Variants in ARID5B observed in about 807,000 individuals in gnomAD.
The protein encoded by ARID5B is AT-rich interaction domain 5B.
ARID5B carries 13 observed loss-of-function variants against 97.2 expected under a neutral mutation model. That is an observed-to-expected ratio of 0.13 (90% confidence interval 0.09 to 0.21). The LOEUF is 0.21. Among genes scored for constraint, ARID5B ranks in the 10% least tolerant of loss-of-function variants. The pLI, the probability that ARID5B is intolerant of heterozygous loss-of-function variation, is 1.00. For missense variants in ARID5B, 1,210 were observed against 1,465.3 expected (o/e 0.83, Z 2.84); for synonymous variants, 556 against 570.3 (o/e 0.97, Z 0.36).
intron 2 of ARID5B, among the ~76,000 whole-genome samples, chr10:61,916,578 G>C (rs1415557041): frequency 1.3e-5 from 2 of 152,162 alleles, no homozygotes; most frequent in African/African-American, 4.8e-5. Context: ...TTTGCGGGAG[G>C]GTAATTTGAA....
chr10:61,931,605 T>C (rs1445918005), intron 2 of ARID5B, among the ~76,000 whole-genome samples: 1 of 152,166 alleles, frequency 6.6e-6, no homozygotes, highest in Non-Finnish European at 1.5e-5. Flanking sequence ...AAACCACATA[T>C]CTGACAAAAA....
intron 7 of ARID5B, among the ~76,000 whole-genome samples, chr10:62,063,238 G>T (rs1355403054): frequency 1.3e-5 from 2 of 152,128 alleles, no homozygotes; most frequent in African/African-American, 2.4e-5. Context: ...AGAACAAAAT[G>T]TGTGAATTCA....
chr10:62,056,012 A>G (rs1462699520), intron 5 of ARID5B, among the ~76,000 whole-genome samples: 3 of 152,310 alleles, frequency 2.0e-5, no homozygotes, highest in Admixed American at 1.3e-4. Flanking sequence ...TGTAAAGAAT[A>G]TTGGAATGTA....
At chr10:62,003,922 G>T (rs1839114669) in intron 4 of ARID5B, among the ~76,000 whole-genome samples, 1 of 152,100 alleles carries the variant, frequency 6.6e-6, no homozygotes, top group Admixed American at 6.6e-5. Flanking sequence ...TTTTAAATCT[G>T]CAATGAGTCC....
intron 4 of ARID5B, among the ~76,000 whole-genome samples, chr10:62,048,998 T>C (rs934157177): frequency 2.6e-5 from 4 of 152,254 alleles, no homozygotes; most frequent in Non-Finnish European, 4.4e-5. Context: ...TCGCGGTCAT[T>C]AAAGTCTTAG....
chr10:61,976,197 G>C (rs1838695857), intron 3 of ARID5B, among the ~76,000 whole-genome samples: 1 of 152,234 alleles, frequency 6.6e-6, no homozygotes, highest in African/African-American at 2.4e-5. Context: ...ACACATGGCT[G>C]TTGACCACTT....
intron 5 of ARID5B, among the ~76,000 whole-genome samples, chr10:62,056,410 C>A (rs560618516): frequency 6.6e-6 from 1 of 152,204 alleles, no homozygotes; most frequent in East Asian, 1.9e-4. Flanking sequence ...GGTGTACCCC[C>A]GCATCACTCT....
chr10:62,042,468 A>C (rs1214536627), intron 4 of ARID5B, among the ~76,000 whole-genome samples: 1 of 152,228 alleles, frequency 6.6e-6, no homozygotes, highest in African/African-American at 2.4e-5. Context: ...GTGACTTGAC[A>C]GGACCTTGCA....
At chr10:61,966,883 T>C (rs935237308) in intron 3 of ARID5B, among the ~76,000 whole-genome samples, 1 of 152,170 alleles carries the variant, frequency 6.6e-6, no homozygotes, top group African/African-American at 2.4e-5. Flanking sequence ...GTGTAACCAA[T>C]GTGGCATATT....
chr10:61,934,232 G>C (rs907044377), intron 2 of ARID5B, among the ~76,000 whole-genome samples: 1 of 152,184 alleles, frequency 6.6e-6, no homozygotes, highest in Non-Finnish European at 1.5e-5. Context: ...TTAGGCTTTG[G>C]TTTAAGGGAA....
intron 8 of ARID5B, 98 bp downstream of exon 8, chr10:62,069,895 G>C (rs919465458): frequency 8.1e-7 from 1 of 1,233,038 alleles, no homozygotes; most frequent in African/African-American, 1.5e-5. Context: ...ATGACCTTTT[G>C]GGAAACTGAA....
At chr10:62,036,027 G>A (rs1207203754) in intron 4 of ARID5B, among the ~76,000 whole-genome samples, 6 of 152,156 alleles carry the variant, frequency 3.9e-5, no homozygotes, top group Non-Finnish European at 8.8e-5. Flanking sequence ...GTTTCACTGT[G>A]TTGGCCAGGC....
At chr10:62,031,894 A>T (rs140357501) in intron 4 of ARID5B, among the ~76,000 whole-genome samples, 2,641 of 152,332 alleles carry the variant, frequency 0.017, 29 homozygotes, top group Non-Finnish European at 0.025. Context: ...AGAAAAAATC[A>T]TGCGAGCTAA....
rs768885822 is a variant in ARID5B, at chr10:62,077,210, G to A, written c.1199+7413G>A. Among the ~76,000 whole-genome samples, 372 of 152,256 alleles carry A rather than the reference G, an allele frequency of 2.4e-3. 7 individuals carry two copies. The highest frequency in any genetic ancestry group is 7.6e-4 in the Non-Finnish European group (52 of 68,028). On this transcript the variant is annotated intron_variant, in intron 8 of 9. Coordinates refer to ENST00000279873, the MANE Select transcript of ARID5B (RefSeq NM_032199.3). Reference sequence around the variant, plus strand: ...TCAGGTAATTTCATACACAAGAGCCGCATAGTCTGTATCACTCAGCATGCC... The same window carrying A: ...TCAGGTAATTTCATACACAAGAGCCACATAGTCTGTATCACTCAGCATGCC...
intron 7 of ARID5B, among the ~76,000 whole-genome samples, chr10:62,064,864 C>T (rs924941343): frequency 6.6e-5 from 10 of 152,162 alleles, no homozygotes; most frequent in Non-Finnish European, 1.2e-4. Context: ...TCCTCCGCCT[C>T]CCATATTCCA....
intron 2 of ARID5B, among the ~76,000 whole-genome samples, chr10:61,917,180 A>T (rs1468846073): frequency 5.4e-5 from 8 of 147,108 alleles, no homozygotes; most frequent in African/African-American, 2.0e-4. Context: ...AAAAAAAAAA[A>T]TTAATTAAAA....
intron 2 of ARID5B, among the ~76,000 whole-genome samples, chr10:61,935,824 G>A (rs987401192): frequency 1.3e-4 from 20 of 152,164 alleles, no homozygotes; most frequent in Non-Finnish European, 2.5e-4. Context: ...CAAAAAATTA[G>A]TAAGAACAGT....
At chr10:62,045,219 A>T (rs1839690780) in intron 4 of ARID5B, among the ~76,000 whole-genome samples, 1 of 152,210 alleles carries the variant, frequency 6.6e-6, no homozygotes, top group Non-Finnish European at 1.5e-5. Context: ...CATAAATTTT[A>T]GGAGTGGCTT....
At chr10:62,047,130 G>A (rs1179847407) in intron 4 of ARID5B, among the ~76,000 whole-genome samples, 1 of 152,088 alleles carries the variant, frequency 6.6e-6, no homozygotes, top group East Asian at 1.9e-4. Context: ...CCATTTGTAT[G>A]GTCTGAGACA....
Sources: gnomAD v4.1 joint callset for allele counts (sites outside exome capture counted in the v4.1 genomes callset) on GRCh38, gnomAD v4.1.1 for gene constraint, MANE v1.5 for transcripts, NCBI Gene and HGNC (gene_info 2026-07-23, HGNC 2026-07-21) for gene names.